SNTG2: variants seen among roughly 807,000 people sequenced by gnomAD.
SNTG2 encodes gamma-2-syntrophin.
SNTG2 carries 74 observed loss-of-function variants against 70.9 expected under a neutral mutation model. The ratio of observed to expected loss-of-function variants is 1.04; its 90% CI spans 0.86 to 1.27. The LOEUF is 1.27. SNTG2 is among the 50% of genes most tolerant of loss of function. SNTG2 has a pLI of 0.00. For synonymous variants in SNTG2, 278 were observed against 273.8 expected (o/e 1.02, Z -0.15); for missense variants, 717 against 690.7 (o/e 1.04, Z -0.43).
chr2:1,201,381 C>T (rs1429292642), intron 8 of SNTG2, among the ~76,000 whole-genome samples: 3 of 151,606 alleles, frequency 2.0e-5, no homozygotes, highest in African/African-American at 7.3e-5. Context: ...GGATGGTTAT[C>T]AGAGGCTGGA....
intron 4 of SNTG2, among the ~76,000 whole-genome samples, chr2:1,117,052 CTCTGGTGT>C (rs1667059905): frequency 3.2e-5 from 2 of 62,060 alleles, no homozygotes; most frequent in Non-Finnish European, 6.8e-5. Context: ...TGTGTGGGTG[CTCTGGTGT>C]GTGGGTGCCC....
chr2:968,598 C>T (rs1462149781), intron 1 of SNTG2, among the ~76,000 whole-genome samples: 3 of 152,032 alleles, frequency 2.0e-5, no homozygotes, highest in Non-Finnish European at 2.9e-5. Context: ...CCTTTTATTG[C>T]CAGTGTTTAC....
At chr2:1,208,673 C>T (rs546568679) in intron 8 of SNTG2, among the ~76,000 whole-genome samples, 21 of 152,298 alleles carry the variant, frequency 1.4e-4, no homozygotes, top group African/African-American at 5.0e-4. Context: ...GATAACAAGG[C>T]AGACCCATGA....
intron 6 of SNTG2, among the ~76,000 whole-genome samples, chr2:1,146,752 C>A (rs568186690): frequency 6.6e-6 from 1 of 152,208 alleles, no homozygotes; most frequent in African/African-American, 2.4e-5. Flanking sequence ...ATATAGTCAA[C>A]TTCTCTTTCA....
intron 1 of SNTG2, among the ~76,000 whole-genome samples, chr2:958,879 A>T (rs1218410553): frequency 6.6e-6 from 1 of 152,204 alleles, no homozygotes; most frequent in African/African-American, 2.4e-5. Flanking sequence ...AAATTTTGGG[A>T]TAGTACGATA....
intron 1 of SNTG2, among the ~76,000 whole-genome samples, chr2:1,042,174 G>A (rs1661477143): frequency 6.6e-6 from 1 of 152,110 alleles, no homozygotes; most frequent in Admixed American, 6.5e-5. Flanking sequence ...TTAAAATGGT[G>A]GATTAGCTCC....
At chr2:1,338,465 G>C (rs1454529977) in intron 16 of SNTG2, among the ~76,000 whole-genome samples, 1 of 152,060 alleles carries the variant, frequency 6.6e-6, no homozygotes, top group Non-Finnish European at 1.5e-5. Flanking sequence ...AAATGGGATT[G>C]TTTTCTTAAT....
intron 6 of SNTG2, among the ~76,000 whole-genome samples, chr2:1,147,352 C>G (rs1669167394): frequency 2.6e-5 from 4 of 152,174 alleles, no homozygotes; most frequent in Admixed American, 2.6e-4. Flanking sequence ...CAGACTCACT[C>G]TTAATTTGGG....
At chr2:1,059,784 A>C (rs1241133323) in intron 1 of SNTG2, among the ~76,000 whole-genome samples, 1 of 152,182 alleles carries the variant, frequency 6.6e-6, no homozygotes, top group South Asian at 2.1e-4. Context: ...TTAAAGCTTA[A>C]AGATCCAAAA....
At chr2:1,334,918 A>T (rs1466813176) in intron 16 of SNTG2, among the ~76,000 whole-genome samples, 1 of 152,178 alleles carries the variant, frequency 6.6e-6, no homozygotes, top group African/African-American at 2.4e-5. Flanking sequence ...AAAAACCCCC[A>T]TTCCCCAAAA....
rs546152780 is a variant in SNTG2, at chr2:1,104,052, A to T, written c.325+5642A>T. ...ACTACCCTATGAGATGATGACTAGG[A>T]TTTTCATTCCCATTTTACAGATGAG... On this transcript the variant is annotated intron_variant, in intron 4 of 16. Transcript: ENST00000308624. 3.9e-5 allele frequency among the ~76,000 whole-genome samples: 6 copies of T among 152,268 alleles called. No individual in the cohort carries two copies. The South Asian group carries it at 1.2e-3, about 32-fold the overall frequency.
intron 8 of SNTG2, among the ~76,000 whole-genome samples, chr2:1,179,539 A>G (rs1324331535): frequency 2.6e-5 from 4 of 152,086 alleles, no homozygotes; most frequent in Non-Finnish European, 5.9e-5. Flanking sequence ...AAGGAGAACT[A>G]CAAACCACTA....
At chr2:1,006,402 C>CAA (rs1553307556) in intron 1 of SNTG2, among the ~76,000 whole-genome samples, 2,086 of 55,884 alleles carry the variant, frequency 0.037, 44 homozygotes, top group African/African-American at 0.18. Context: ...AGTAGAATTT[C>CAA]AAAAAAAAAA....
chr2:1,346,970 G>A (rs1660321937), intron 16 of SNTG2, among the ~76,000 whole-genome samples: 1 of 152,056 alleles, frequency 6.6e-6, no homozygotes, highest in African/African-American at 2.4e-5. Flanking sequence ...CTGTACCAGA[G>A]TCAGGGTGGA....
chr2:1,197,138 T>C (rs912974374), intron 8 of SNTG2, among the ~76,000 whole-genome samples: 6 of 151,906 alleles, frequency 3.9e-5, no homozygotes, highest in Non-Finnish European at 8.8e-5. Context: ...TAAATGTAAA[T>C]GAATTAAATT....
chr2:1,033,192 A>G lies in SNTG2; in HGVS notation c.73-50326A>G, dbSNP rs1163692864. Among the ~76,000 whole-genome samples the G allele has an allele frequency of 1.4e-4, 21 of 152,204 alleles. 1 individual carries two copies. ...GACACCTCAACATGAGATTTGGAGG[A>G]AACAGCATCCCAGTTGGTACTGCAG... On this transcript the variant is annotated intron_variant, in intron 1 of 16. Coordinates refer to ENST00000308624, the MANE Select transcript of SNTG2 (RefSeq NM_018968.4).
At chr2:1,181,935 C>A (rs1050059337) in intron 8 of SNTG2, among the ~76,000 whole-genome samples, 1 of 152,168 alleles carries the variant, frequency 6.6e-6, no homozygotes, top group Non-Finnish European at 1.5e-5. Flanking sequence ...ACATTAATAT[C>A]ATGCGTTTAG....
intron 4 of SNTG2, among the ~76,000 whole-genome samples, chr2:1,137,081 T>G (rs1668433666): frequency 1.3e-5 from 2 of 152,250 alleles, no homozygotes; most frequent in South Asian, 2.1e-4. Context: ...GGAAGGCAGC[T>G]CTCTTAATGC....
chr2:1,348,425 C>A (rs1307768715), intron 16 of SNTG2, among the ~76,000 whole-genome samples: 2 of 152,298 alleles, frequency 1.3e-5, no homozygotes, highest in East Asian at 3.9e-4. Context: ...TTCTCTAAAG[C>A]CTACTACCTT....
Sources: allele counts gnomAD v4.1 joint callset (sites outside exome capture counted in the v4.1 genomes callset), GRCh38; gene constraint gnomAD v4.1.1; transcripts MANE v1.5; gene names NCBI Gene and HGNC (gene_info 2026-07-23, HGNC 2026-07-21).